BANP: variants seen among roughly 807,000 people sequenced by gnomAD.
BANP encodes the protein protein BANP.
Under a neutral mutation model 68.1 loss-of-function variants are expected in BANP, and 11 were observed. That is an observed-to-expected ratio of 0.16 (90% CI 0.10 to 0.27). The LOEUF is 0.27. Ranked by LOEUF, BANP falls within the 10% of genes least tolerant of loss-of-function variation. The pLI, the probability that BANP is intolerant of heterozygous loss-of-function variation, is 1.00. For synonymous variants in BANP, 329 were observed against 303.2 expected, an observed-to-expected ratio of 1.09 and a Z score of -0.88; for missense variants, 504 against 722.7, an observed-to-expected ratio of 0.70 and a Z score of 3.47.
chr16:88,056,911 C>T (rs2085192037), intron 11 of BANP, among the ~76,000 whole-genome samples: 1 of 152,198 alleles, frequency 6.6e-6, no homozygotes, highest in African/African-American at 2.4e-5. Flanking sequence ...TGGAAATACT[C>T]TTGTTTGAGC....
At chr16:88,014,276 C>T (rs2073965826) in intron 6 of BANP, among the ~76,000 whole-genome samples, 1 of 152,150 alleles carries the variant, frequency 6.6e-6, no homozygotes, top group Non-Finnish European at 1.5e-5. Context: ...TGCACTGGGT[C>T]TGGACATTTG....
chr16:88,055,305 A>G (rs2084729627), intron 11 of BANP, among the ~76,000 whole-genome samples: 2 of 152,082 alleles, frequency 1.3e-5, no homozygotes, highest in Non-Finnish European at 2.9e-5. Flanking sequence ...ACACCCCTGA[A>G]TGATTGAATA....
chr16:88,032,661 C>T (rs147803354), intron 8 of BANP, among the ~76,000 whole-genome samples: 1,622 of 152,306 alleles, frequency 0.011, 7 homozygotes, highest in Middle Eastern at 0.017. Context: ...AAAATTAATA[C>T]ACAGTACATC....
At chr16:87,996,395 G>A (rs1487245351) in intron 4 of BANP, among the ~76,000 whole-genome samples, 1 of 152,128 alleles carries the variant, frequency 6.6e-6, no homozygotes, top group Admixed American at 6.5e-5. Context: ...AGTGCCGGCT[G>A]GGCCCTCGTC....
intron 6 of BANP, among the ~76,000 whole-genome samples, chr16:88,017,598 GC>G (rs1259000133): frequency 6.6e-6 from 1 of 152,370 alleles, no homozygotes; most frequent in Admixed American, 6.5e-5. Flanking sequence ...GAAGCTGAGA[GC>G]CCACGCTTGG....
chr16:88,038,295 C>T (rs117133887), intron 11 of BANP, among the ~76,000 whole-genome samples: 2,318 of 152,036 alleles, frequency 0.015, 91 homozygotes, highest in East Asian at 0.097. Flanking sequence ...GGGGCTCTCG[C>T]GGGAGGGAGC....
At chr16:88,040,352 G>C (rs571994635) in intron 11 of BANP, among the ~76,000 whole-genome samples, 128 of 152,024 alleles carry the variant, frequency 8.4e-4, no homozygotes, top group African/African-American at 3.0e-3. Context: ...CCACACGTTT[G>C]GGAGACAGAA....
rs112277466 is a variant in BANP at position 87,973,351 on chromosome 16, A to G, written c.-68-1697A>G. On this transcript the variant is annotated intron_variant, in intron 1 of 13. Transcript: ENST00000682872. ...ATGTGGGAATAAAAACACCTTTGCT[A>G]TTTTATTGATCGTATATTTGATCAC... is the stretch of plus-strand genomic sequence containing the variant. Among the ~76,000 whole-genome samples, 679 of 152,096 alleles carry G rather than the reference A, an allele frequency of 4.5e-3. 6 individuals carry two copies. Among genetic ancestry groups the G allele is most frequent in the African/African-American group, 0.015 (612 of 41,456 alleles).
chr16:87,951,882 C>G (rs1295166300), intron 1 of BANP, among the ~76,000 whole-genome samples: 1 of 152,128 alleles, frequency 6.6e-6, no homozygotes, highest in Non-Finnish European at 1.5e-5. Context: ...AGGCCTAGAA[C>G]CGCGCCCGGG....
At position 88,072,171 on chromosome 16, in the gene BANP, G is replaced by C. The variant is rs753554190; in HGVS notation, c.1480G>C (p.Val494Leu). 1.2e-6 allele frequency: 2 copies of C among 1,611,410 alleles called. No homozygotes were observed. Among genetic ancestry groups the C allele is most frequent in the Non-Finnish European group, 8.5e-7 (1 of 1,179,704 alleles). Residue 494 changes from valine to leucine, a missense_variant, in exon 13 of 14, where the codon GTG (valine) becomes CTG (leucine). By Grantham distance (32) the Val-to-Leu change is conservative. Transcript: ENST00000682872. The stretch of plus-strand genomic sequence containing the variant: ...GGGCAGCGACATCCAGGTTCAGTAC[G>C]TGCAGCTGGCGCCAGTGAGTGACCA... ...LQGSDIQVQY[V>L]QLAPVSDHTA...
chr16:87,950,659 C>G (rs1181275784), upstream of BANP: 1 of 152,200 alleles, frequency 6.6e-6, no homozygotes. Flanking sequence ...TGGTCGCGAA[C>G]CCTTTACCTC....
intron 1 of BANP, among the ~76,000 whole-genome samples, chr16:87,969,593 C>T (rs571283929): frequency 3.4e-5 from 5 of 148,150 alleles, no homozygotes; most frequent in South Asian, 2.1e-4. Flanking sequence ...AGTGCAATGG[C>T]GTGATCTCAG....
intron 1 of BANP, among the ~76,000 whole-genome samples, chr16:87,973,736 G>A (rs11117327): frequency 0.41 from 51,682 of 126,670 alleles, 10,407 homozygotes; most frequent in Non-Finnish European, 0.49. Context: ...CTGGGCAACA[G>A]GAGCAAAACT....
rs567547820 is a variant in BANP at position 88,038,333 on chromosome 16, C to A, written c.1311+322C>A. On this transcript the variant is annotated intron_variant, in intron 11 of 13. Coordinates refer to ENST00000682872, the MANE Select transcript of BANP (RefSeq NM_001386991.1). ...GGGTGCAAAGGCCTCTCAGTGTGAG[C>A]CCCAGAGCAGGACTGGCTTTCCTCA... Among the ~76,000 whole-genome samples, 14 of 152,274 alleles carry A rather than the reference C, an allele frequency of 9.2e-5. No homozygotes were observed. In the East Asian group the frequency reaches 1.9e-3, roughly 21 times the overall value.
At chr16:87,960,391 A>T (rs1253472012) in intron 1 of BANP, among the ~76,000 whole-genome samples, 1 of 152,176 alleles carries the variant, frequency 6.6e-6, no homozygotes, top group African/African-American at 2.4e-5. Context: ...AACGTGCTTA[A>T]AGAGGTTGGC....
At chr16:88,001,317 C>T (rs1344699210) in intron 4 of BANP, among the ~76,000 whole-genome samples, 3 of 141,830 alleles carry the variant, frequency 2.1e-5, no homozygotes, top group Non-Finnish European at 4.6e-5. Flanking sequence ...GCTAGACTTA[C>T]CTGTCCTTCC....
chr16:88,045,734 C>G (rs1377694209), intron 11 of BANP, among the ~76,000 whole-genome samples: 2 of 141,562 alleles, frequency 1.4e-5, no homozygotes, highest in African/African-American at 5.4e-5. Flanking sequence ...CTCTTCTTGG[C>G]CACAGATGAG....
chr16:87,964,311 A>G (rs932263257), intron 1 of BANP, among the ~76,000 whole-genome samples: 3 of 152,258 alleles, frequency 2.0e-5, no homozygotes, highest in Admixed American at 6.5e-5. Flanking sequence ...AGCCATGCCA[A>G]TTCCTGCCCT....
At chr16:88,027,209 C>T (rs533114702) in intron 7 of BANP, among the ~76,000 whole-genome samples, 4 of 152,058 alleles carry the variant, frequency 2.6e-5, no homozygotes, top group African/African-American at 2.4e-5. Context: ...GTGGGCCGAC[C>T]GAGTCAGAGG....
Sources: allele counts gnomAD v4.1 joint callset (sites outside exome capture counted in the v4.1 genomes callset), GRCh38; gene constraint gnomAD v4.1.1; transcripts MANE v1.5; gene names NCBI Gene and HGNC (gene_info 2026-07-23, HGNC 2026-07-21).